The following RPS8 variants were observed in gnomAD, a reference collection of about 807,000 sequenced individuals.
RPS8 encodes ribosomal protein S8.
For synonymous variants in RPS8, 100 were observed against 100.7 expected (o/e 0.99, Z 0.04); for missense variants, 141 against 269.7 (o/e 0.52, Z 3.34).
chr1:44,777,321 T>C (rs536939390), intron 3 of RPS8: 6 of 333,014 alleles, frequency 1.8e-5, no homozygotes, highest in Middle Eastern at 9.2e-4. Context: ...TCCACCCGCC[T>C]TGACCTCCCA....
At chr1:44,775,773 G>T in intron 1 of RPS8, 173 bp downstream of exon 1, 2 of 942,260 alleles carry the variant, frequency 2.1e-6, no homozygotes, top group South Asian at 2.7e-5. Context: ...GGGCTGCGAA[G>T]GCTCTGGGCT....
chr1:44,777,763 C>T lies in RPS8; in HGVS notation c.361C>T (p.Leu121=), dbSNP rs1405413419. ...QWYESHYALP[L]GRKKGAKLTP... ...GTACGAGTCCCACTATGCGCTGCCCCTGGGCCGCAAGAAGGGAGCCAAGCT... is the reference window on the plus strand; with the variant it reads ...GTACGAGTCCCACTATGCGCTGCCCTTGGGCCGCAAGAAGGGAGCCAAGCT... The change falls in exon 4 of 6, where the codon CTG becomes TTG. Residue 121 remains leucine (L), a synonymous_variant. Transcript: ENST00000396651. 6.2e-7 allele frequency: 1 copy of T among 1,614,198 alleles called. No individual in the cohort carries two copies. Among genetic ancestry groups the T allele is most frequent in the South Asian group, 1.1e-5 (1 of 91,082 alleles).
Position 44,775,612 on chromosome 1 carries a change from T to C in RPS8, c.4+12T>C, listed in dbSNP as rs1438369676. 1 of 1,614,104 alleles carries C rather than the reference T, an allele frequency of 6.2e-7. No homozygotes were observed. Among genetic ancestry groups the C allele is most frequent in the South Asian group, 1.1e-5 (1 of 91,082 alleles). ...GCGCCGAGCGATGGGTGAGTGTCGCTCTGCATTGAGGCGGGTGAAGGGAGG... is the reference window on the plus strand; with the variant it reads ...GCGCCGAGCGATGGGTGAGTGTCGCCCTGCATTGAGGCGGGTGAAGGGAGG... On this transcript the variant is annotated intron_variant, in intron 1 of 5. Coordinates refer to ENST00000396651, the MANE Select transcript of RPS8 (RefSeq NM_001012.2).
In RPS8 at chr1:44,777,801, T is replaced by C. The variant is rs769592026; in HGVS notation, c.387+12T>C. ...AGGGAGCCAAGCTGGTGCGTGTTAC[T>C]TCCCTGTAGGGGTTGTGGGGAGGGC... On this transcript the variant is annotated intron_variant, in intron 4 of 5. Coordinates refer to ENST00000396651, the MANE Select transcript of RPS8 (RefSeq NM_001012.2). 8 of 1,613,922 alleles carry C rather than the reference T, an allele frequency of 5.0e-6. No individual in the cohort carries two copies. Among genetic ancestry groups the C allele is most frequent in the East Asian group, 2.2e-5 (1 of 44,874 alleles).
chr1:44,775,972 C>T (rs1374419319), intron 1 of RPS8, 62 bp from the exon 2 acceptor site: 4 of 1,513,832 alleles, frequency 2.6e-6, no homozygotes, highest in Non-Finnish European at 3.7e-6. Flanking sequence ...TCTCCGGGAG[C>T]TGGCGAGTCG....
At chr1:44,778,481 C>T (rs573149902) in intron 5 of RPS8, 95 bp from the exon 6 acceptor site, 1 of 1,006,182 alleles carries the variant, frequency 9.9e-7, no homozygotes, top group African/African-American at 1.6e-5. Context: ...TGCTTGCCCC[C>T]AGGGTACCTG....
At chr1:44,778,160 G>A (rs1264481424) in intron 5 of RPS8, 31 bp downstream of exon 5, 1 of 1,586,852 alleles carries the variant, frequency 6.3e-7, no homozygotes, top group Admixed American at 1.9e-5. Context: ...GAGGTGGGGA[G>A]TCGCAGAGAT....
At chr1:44,776,344 C>T in intron 2 of RPS8, 1 of 675,856 alleles carries the variant, frequency 1.5e-6, no homozygotes. Flanking sequence ...AAACCTGGAG[C>T]TTAGGATTTC....
intron 2 of RPS8, chr1:44,776,441 A>C (rs941873885): frequency 2.7e-6 from 2 of 751,214 alleles, no homozygotes; most frequent in East Asian, 2.5e-5. Flanking sequence ...TGTTTTTTTT[A>C]CAGAGGCTTA....
chr1:44,777,841 C>G, intron 4 of RPS8, 52 bp downstream of exon 4: 1 of 1,596,446 alleles, frequency 6.3e-7, no homozygotes, highest in Non-Finnish European at 8.6e-7. Context: ...TGACTCCAGC[C>G]TTCTCGTGAT....
chr1:44,776,634 T>G, intron 2 of RPS8, 41 bp from the exon 3 acceptor site: 1 of 1,568,886 alleles, frequency 6.4e-7, no homozygotes, highest in Non-Finnish European at 8.8e-7. Flanking sequence ...CTTGCCTTGC[T>G]CTCCTTGGTA....
chr1:44,776,021 C>G lies in RPS8; in HGVS notation c.5-13C>G. 1 of 1,612,570 alleles carries G rather than the reference C, an allele frequency of 6.2e-7. No individual in the cohort carries two copies. The highest frequency in any genetic ancestry group is 1.3e-5 in the African/African-American group (1 of 75,002). On this transcript the variant is annotated splice_polypyrimidine_tract_variant and intron_variant, in intron 1 of 5. Transcript: ENST00000396651. Reference sequence around the variant, plus strand: ...ACAGTGGCTCAAGCTTCCTTCCCCGCTTCCACATGCAGGCATCTCTCGGGA... The same window carrying G: ...ACAGTGGCTCAAGCTTCCTTCCCCGGTTCCACATGCAGGCATCTCTCGGGA...
chr1:44,777,009 T>G (rs1179565217), intron 3 of RPS8: 11 of 429,492 alleles, frequency 2.6e-5, no homozygotes, highest in Non-Finnish European at 3.7e-5. Flanking sequence ...GACCAAGGCA[T>G]TTGAAGTTTC....
chr1:44,775,872 A>C (rs1557608314), intron 1 of RPS8, 162 bp from the exon 2 acceptor site: 1 of 835,730 alleles, frequency 1.2e-6, no homozygotes, highest in Admixed American at 1.7e-5. Flanking sequence ...CACGTGTATG[A>C]TGACAACTCG....
intron 2 of RPS8, 72 bp from the exon 3 acceptor site, chr1:44,776,603 G>A (rs1334769580): frequency 1.5e-6 from 2 of 1,294,722 alleles, no homozygotes; most frequent in Admixed American, 1.7e-5. Context: ...GCCTCCTCCC[G>A]GCCCAGGTTC....
At chr1:44,777,214 G>A (rs1389183643) in intron 3 of RPS8, 2 of 217,250 alleles carry the variant, frequency 9.2e-6, no homozygotes, top group Non-Finnish European at 1.9e-5. Flanking sequence ...TGGGATTACA[G>A]GCGTGTGCCA....
chr1:44,777,473 C>G (rs1183640049), intron 3 of RPS8, 141 bp from the exon 4 acceptor site: 2 of 692,246 alleles, frequency 2.9e-6, no homozygotes, highest in African/African-American at 3.6e-5. Context: ...TTGTGGAAGA[C>G]GAACTGATGC....
rs1033569741 is a variant in RPS8 at position 44,776,943 on chromosome 1, G to A, written c.211+169G>A. The A allele has an allele frequency of 4.4e-5, 24 of 545,452 alleles. 1 individual carries two copies. The highest frequency in any genetic ancestry group is 2.2e-4 in the East Asian group (7 of 31,264). The allele number at this position is 545,452 out of a possible 1,614,324, so 33.8% of individuals were successfully genotyped here. A position where few individuals can be genotyped will look rare whatever the true frequency, so the allele number is the denominator to read the frequency against. On this transcript the variant is annotated intron_variant, in intron 3 of 5. Coordinates refer to ENST00000396651, the MANE Select transcript of RPS8 (RefSeq NM_001012.2). ...TCGAGTCCAGCCTGGGCAACAGAGCGAGACTCTCAGTAAAAAAAAAGATTC... is the reference window on the plus strand; with the variant it reads ...TCGAGTCCAGCCTGGGCAACAGAGCAAGACTCTCAGTAAAAAAAAAGATTC...
intron 1 of RPS8, chr1:44,775,813 C>T (rs1364127044): frequency 5.1e-6 from 4 of 788,610 alleles, no homozygotes; most frequent in Non-Finnish European, 8.5e-6. Flanking sequence ...CTGCGGGCTC[C>T]GAGCGGCGCC....
Sources: gnomAD v4.1 joint callset for allele counts on GRCh38, gnomAD v4.1.1 for gene constraint, MANE v1.5 for transcripts, NCBI Gene and HGNC (gene_info 2026-07-23, HGNC 2026-07-21) for gene names.